The following MAPK10 variants were observed in gnomAD, a reference collection of about 807,000 sequenced individuals.
MAPK10 encodes the protein mitogen-activated protein kinase 10.
A neutral mutation model predicts 59.3 loss-of-function variants in MAPK10; 25 were observed. That is an observed-to-expected ratio of 0.42 (90% CI 0.31 to 0.59). The LOEUF is 0.59. Ranked by LOEUF, MAPK10 falls within the 20% of genes least tolerant of loss-of-function variation. The probability of loss-of-function intolerance (pLI) is 0.15; values close to 1 mark genes in which losing one functional copy is unlikely to be tolerated. For synonymous variants in MAPK10, 190 were observed against 200.5 expected, an observed-to-expected ratio of 0.95 and a Z score of 0.44; for missense variants, 351 against 568.9, an observed-to-expected ratio of 0.62 and a Z score of 3.90.
At chr4:86,058,237 C>T (rs115079539) in intron 11 of MAPK10, among the ~76,000 whole-genome samples, 3,807 of 149,668 alleles carry the variant, frequency 0.025, 475 homozygotes, top group African/African-American at 0.091. Context: ...AATTGTGCTC[C>T]GTTCCCTGGT....
intron 1 of MAPK10, among the ~76,000 whole-genome samples, chr4:86,518,916 T>C (rs147505551): frequency 1.6e-3 from 239 of 152,294 alleles, no homozygotes; most frequent in Middle Eastern, 6.8e-3. Flanking sequence ...CATGTATTTG[T>C]ATAGTTTTGA....
At chr4:86,132,174 A>C (rs888595327) in intron 4 of MAPK10, among the ~76,000 whole-genome samples, 1 of 152,220 alleles carries the variant, frequency 6.6e-6, no homozygotes, top group African/African-American at 2.4e-5. Flanking sequence ...GGTCTCGATG[A>C]GTTAATAACC....
At chr4:86,268,493 C>G (rs527850201) in intron 2 of MAPK10, 3 of 152,366 alleles carry the variant, frequency 2.0e-5, no homozygotes, top group Admixed American at 6.6e-5. Flanking sequence ...AAACCTAAAG[C>G]CTTTATCACA....
At position 86,538,073 on chromosome 4, in the gene MAPK10, G is replaced by T. The variant is rs568290197; in HGVS notation, c.-263+55837C>A. 1.1e-4 allele frequency among the ~76,000 whole-genome samples: 16 copies of T among 152,120 alleles called. No homozygotes were observed. In the South Asian group the frequency reaches 3.1e-3, roughly 30 times the overall value. On this transcript the variant is annotated intron_variant, in intron 1 of 4. Transcript: ENST00000502302. Reference sequence around the variant, plus strand: ...TTAACCCAGCACCATGTACTGAATAGTCACTCCTTTCCCACCTGAGTATTT... The same window carrying T: ...TTAACCCAGCACCATGTACTGAATATTCACTCCTTTCCCACCTGAGTATTT...
intron 3 of MAPK10, among the ~76,000 whole-genome samples, chr4:86,189,810 C>G (rs547078618): frequency 3.2e-4 from 49 of 152,212 alleles, no homozygotes; most frequent in African/African-American, 1.2e-3. Context: ...TGAGAGAGGG[C>G]ACCTTGTCTT....
At chr4:86,167,567 T>A (rs879524620) in intron 3 of MAPK10, among the ~76,000 whole-genome samples, 1 of 152,148 alleles carries the variant, frequency 6.6e-6, no homozygotes, top group Non-Finnish European at 1.5e-5. Context: ...GTTCAACATA[T>A]GCAATCAATA....
At chr4:86,251,006 G>A (rs990041399) in intron 2 of MAPK10, among the ~76,000 whole-genome samples, 3 of 151,720 alleles carry the variant, frequency 2.0e-5, no homozygotes, top group Non-Finnish European at 4.4e-5. Flanking sequence ...AAAACTTCAG[G>A]GAGCAACTCA....
At chr4:86,170,479 G>C (rs186721391) in intron 3 of MAPK10, among the ~76,000 whole-genome samples, 5 of 152,138 alleles carry the variant, frequency 3.3e-5, no homozygotes, top group African/African-American at 4.8e-5. Context: ...GACGAAGAAG[G>C]CCATTACATA....
At chr4:86,385,421 A>G (rs1402392448) in intron 1 of MAPK10, among the ~76,000 whole-genome samples, 1 of 152,144 alleles carries the variant, frequency 6.6e-6, no homozygotes, top group Non-Finnish European at 1.5e-5. Flanking sequence ...GTGAAATTTC[A>G]AAAACACTCT....
intron 13 of MAPK10, among the ~76,000 whole-genome samples, chr4:86,021,471 G>A (rs1746814527): frequency 6.6e-6 from 1 of 152,146 alleles, no homozygotes; most frequent in Non-Finnish European, 1.5e-5. Flanking sequence ...GCTGACTGGT[G>A]TATTTACAAT....
Position 86,122,943 on chromosome 4 carries a change from AT to A in MAPK10, c.237-15592del, listed in dbSNP as rs1221669931. 2.0e-3 allele frequency among the ~76,000 whole-genome samples: 305 copies of A among 152,140 alleles called. 2 individuals are homozygous for A. The highest frequency in any genetic ancestry group is 9.3e-4 in the Non-Finnish European group (63 of 67,938). On this transcript the variant is annotated intron_variant, in intron 4 of 13. Coordinates refer to ENST00000641462, the MANE Select transcript of MAPK10 (RefSeq NM_138982.4). ...TTGTTCTTGCTTCAATTTTTGCAGA[AT>A]TTATGTGGTTCTGATAGGTGCTCTT...
chr4:86,335,556 C>A (rs905107881), intron 2 of MAPK10, among the ~76,000 whole-genome samples: 1 of 151,640 alleles, frequency 6.6e-6, no homozygotes, highest in Non-Finnish European at 1.5e-5. Flanking sequence ...TCTCTTACTC[C>A]TTTCTTTCTC....
chr4:86,353,179 C>T (rs1026239380), intron 2 of MAPK10, among the ~76,000 whole-genome samples: 3 of 152,114 alleles, frequency 2.0e-5, no homozygotes, highest in African/African-American at 7.2e-5. Context: ...GCACTCTAGA[C>T]CTACCCATGT....
chr4:86,149,777 C>T (rs1037579881), intron 4 of MAPK10, among the ~76,000 whole-genome samples: 2 of 152,116 alleles, frequency 1.3e-5, no homozygotes, highest in Non-Finnish European at 2.9e-5. Context: ...TTTCTTCCAG[C>T]CCCATCTTCA....
chr4:86,410,735 G>A (rs1745045523), intron 1 of MAPK10, among the ~76,000 whole-genome samples: 1 of 152,126 alleles, frequency 6.6e-6, no homozygotes, highest in African/African-American at 2.4e-5. Flanking sequence ...ATTTCTGTGG[G>A]ATCGGTGGTG....
intron 2 of MAPK10, among the ~76,000 whole-genome samples, chr4:86,282,431 A>T (rs2094842934): frequency 6.6e-6 from 1 of 152,156 alleles, no homozygotes; most frequent in Admixed American, 6.6e-5. Context: ...TGCTTGTTTC[A>T]TAACTGTATT....
At chr4:86,375,679 C>T (rs975798524) in intron 1 of MAPK10, among the ~76,000 whole-genome samples, 2 of 124,160 alleles carry the variant, frequency 1.6e-5, no homozygotes, top group Non-Finnish European at 3.2e-5. Context: ...CATTCCACTG[C>T]ACTCCAGCTA....
intron 3 of MAPK10, among the ~76,000 whole-genome samples, chr4:86,171,444 T>G (rs967876568): frequency 6.6e-6 from 1 of 151,950 alleles, no homozygotes; most frequent in Non-Finnish European, 1.5e-5. Context: ...CTATCTGATC[T>G]TTGACAAACC....
At chr4:86,150,689 G>A (rs1016973562) in intron 4 of MAPK10, among the ~76,000 whole-genome samples, 4 of 152,060 alleles carry the variant, frequency 2.6e-5, no homozygotes, top group Non-Finnish European at 4.4e-5. Flanking sequence ...GTGAAACCCC[G>A]TCTCTACTAA....
Sources: gnomAD v4.1 joint callset for allele counts (sites outside exome capture counted in the v4.1 genomes callset) on GRCh38, gnomAD v4.1.1 for gene constraint, MANE v1.5 for transcripts, NCBI Gene and HGNC (gene_info 2026-07-23, HGNC 2026-07-21) for gene names.